Variants in IGFN1 observed in about 807,000 individuals in gnomAD.
IGFN1 encodes immunoglobulin-like and fibronectin type III domain-containing protein 1.
A neutral mutation model predicts 289.5 loss-of-function variants in IGFN1; 253 were observed. The ratio of observed to expected loss-of-function variants is 0.87; its 90% confidence interval spans 0.79 to 0.97. The LOEUF (loss-of-function observed/expected upper bound fraction) is 0.97, where lower values mean the gene tolerates loss of function less well. Ranked by LOEUF, IGFN1 falls within the 50% of genes least tolerant of loss-of-function variation. IGFN1 has a pLI of 0.00. For missense variants in IGFN1, 4,470 were observed against 4,686.1 expected (o/e 0.95, Z 1.35); for synonymous variants, 1,706 against 1,788.5 (o/e 0.95, Z 1.16).
rs1296144080 is a variant in IGFN1, at chr1:201,205,266, G to C, written c.1101G>C (p.Leu367=). 9.0e-6 allele frequency: 14 copies of C among 1,550,886 alleles called. No homozygotes were observed. In the East Asian group the frequency reaches 2.0e-4, roughly 22 times the overall value. ...YVSPDGLTHR[L]VVRGARFSDM... The stretch of plus-strand genomic sequence containing the variant: ...CCCCTGACGGGCTGACCCACCGGCT[G>C]GTGGTGAGGGGGGCACGTTTCTCAG... Residue 367 remains leucine (L), a synonymous_variant, in exon 11 of 24, where the codon CTG becomes CTC. Coordinates refer to ENST00000335211, the MANE Select transcript of IGFN1 (RefSeq NM_001164586.2).
chr1:201,206,898 G>A lies in IGFN1; in HGVS notation c.2005G>A (p.Gly669Arg), dbSNP rs1178264442. The change falls in exon 12 of 24, where the codon GGG becomes AGG. Residue 669 changes from glycine (G) to arginine (R), a missense_variant. This residue lies in a region of IGFN1 where 2,011 missense variants were observed against 1,953.4 expected (regional missense o/e 1.03). Transcript: ENST00000335211. The stretch of plus-strand genomic sequence containing the variant: ...CCTGGGAGAAGCTGGAGACAGCAAT[G>A]GGGCAGGAGGTCCTGGCACCCTGGA... Reference protein sequence around the residue: ...TGLGEAGDSNGAGGPGTLELT... With the variant: ...TGLGEAGDSNRAGGPGTLELT... 5 of 1,536,162 alleles carry A rather than the reference G, an allele frequency of 3.3e-6. No homozygotes were observed. The highest frequency in any genetic ancestry group is 2.0e-5 in the Admixed American group (1 of 50,930).
At chr1:201,199,723 A>G in intron 7 of IGFN1, 69 bp downstream of exon 7, 2 of 1,401,862 alleles carry the variant, frequency 1.4e-6, no homozygotes, top group South Asian at 1.3e-5. Flanking sequence ...TATTTCCATA[A>G]GTAAGCTGGG....
chr1:201,226,001 G>T lies in IGFN1; in HGVS notation c.10664G>T (p.Arg3555Leu), dbSNP rs755448825. The T allele has an allele frequency of 2.7e-5, 42 of 1,577,402 alleles. No homozygotes were observed. Among genetic ancestry groups the T allele is most frequent in the Non-Finnish European group, 3.5e-5 (40 of 1,158,876 alleles). Residue 3555 changes from arginine to leucine, a missense_variant, in exon 22 of 24, where the codon CGC becomes CTC. Physicochemically the swap from Arg to Leu is moderately radical, Grantham distance 102 (BLOSUM62 -2). Around this residue, in one of 8 missense-constraint regions of IGFN1, gnomAD observed 2,218 missense variants for 2,114.1 expected, o/e 1.05. Coordinates refer to ENST00000335211, the MANE Select transcript of IGFN1 (RefSeq NM_001164586.2). ...GCAGCCGACCGCATCCACACCAACC[G>T]CTTCACCCTCCTGGGCATCCTCCCC... The part of the protein sequence containing the change: ...HEAADRIHTN[R>L]FTLLGILPGH...
At chr1:201,215,218 A>G (rs1251220795) in intron 14 of IGFN1, 64 bp downstream of exon 14, 13 of 1,524,510 alleles carry the variant, frequency 8.5e-6, no homozygotes, top group African/African-American at 1.4e-5. Flanking sequence ...ACCAGGTGAT[A>G]TGCCTTGCTT....
intron 10 of IGFN1, 129 bp from the exon 11 acceptor site, chr1:201,204,953 C>T (rs1471659501): frequency 1.2e-5 from 11 of 905,358 alleles, no homozygotes; most frequent in East Asian, 2.7e-5. Context: ...GGTGACCTGT[C>T]CAAGGTAACA....
chr1:201,206,616 A>T lies in IGFN1; in HGVS notation c.1723A>T (p.Arg575Trp), dbSNP rs1400368862. Residue 575 changes from arginine (R) to tryptophan (W), a missense_variant, in exon 12 of 24, where the codon AGG (arginine) becomes TGG (tryptophan). Physicochemically the swap from Arg to Trp is moderately radical, Grantham distance 101. Transcript: ENST00000335211. ...RLQAGGLGSSREGKEHRGDSG... is the reference protein window; with the variant it reads ...RLQAGGLGSSWEGKEHRGDSG... ...TCAGGCTGGAGGACTGGGGAGCAGC[A>T]GGGAAGGAAAGGAGCACAGAGGGGA... The T allele has an allele frequency of 6.5e-7, 1 of 1,543,064 alleles. No individual in the cohort carries two copies. The highest frequency in any genetic ancestry group is 2.4e-5 in the East Asian group (1 of 40,916).
In IGFN1 at chr1:201,216,611, G is replaced by A. The variant is rs1485398843; in HGVS notation, c.9453G>A (p.Val3151=). 1.2e-6 allele frequency: 2 copies of A among 1,613,882 alleles called. No homozygotes were observed. The highest frequency in any genetic ancestry group is 3.3e-5 in the Admixed American group (2 of 60,022). ...RQAGRSTWLK[V]GEAPADSTTF... ...CTGGCAGGAGCACTTGGCTGAAGGT[G>A]GGCGAGGCCCCCGCTGACAGCACCA... is the stretch of plus-strand genomic sequence containing the variant. Residue 3151 remains valine, a synonymous_variant, in exon 16 of 24, where the codon GTG becomes GTA. Transcript: ENST00000335211.
intron 20 of IGFN1, among the ~76,000 whole-genome samples, chr1:201,223,761 T>C (rs1653906408): frequency 6.6e-6 from 1 of 152,112 alleles, no homozygotes; most frequent in Non-Finnish European, 1.5e-5. Context: ...GGTCTGAGGG[T>C]TCAAGGAATT....
chr1:201,227,465 T>A (rs1654186262), intron 23 of IGFN1, among the ~76,000 whole-genome samples: 1 of 151,950 alleles, frequency 6.6e-6, no homozygotes, highest in Admixed American at 6.6e-5. Context: ...TTCGCTCTTG[T>A]TGCCCAGGTT....
Position 201,227,113 on chromosome 1 carries a change from TC to T in IGFN1, c.11022del (p.Ser3675AlafsTer30). 6.2e-7 allele frequency: 1 copy of T among 1,613,468 alleles called. No individual in the cohort carries two copies. Among genetic ancestry groups the T allele is most frequent in the South Asian group, 1.1e-5 (1 of 91,078 alleles). ...TDLLGVCSLTIPSVSPKDSGE... is the reference protein window; with the variant it reads ...TDLLGVCSLTXPSVSPKDSGE... ...CTGCTGGGCGTGTGCTCCCTCACCA[TC>T]CCCAGCGTATCCCCGAAGGACAGCG... On this transcript the variant is annotated frameshift_variant, in exon 23 of 24. Coordinates refer to ENST00000335211, the MANE Select transcript of IGFN1 (RefSeq NM_001164586.2). LOFTEE classifies it high-confidence loss of function.
chr1:201,225,595 AAAAC>A (rs750491773), intron 21 of IGFN1, among the ~76,000 whole-genome samples: 34 of 152,338 alleles, frequency 2.2e-4, no homozygotes, highest in Middle Eastern at 3.4e-3. Flanking sequence ...TCCGTCTCAA[AAAAC>A]AAACAAACAA....
At chr1:201,198,281 G>A (rs927349613) in intron 5 of IGFN1, among the ~76,000 whole-genome samples, 10 of 151,956 alleles carry the variant, frequency 6.6e-5, no homozygotes, top group African/African-American at 1.7e-4. Flanking sequence ...GATTACACGC[G>A]TTTACCACCA....
In IGFN1 at chr1:201,208,867, G is replaced by C; in HGVS notation, c.3974G>C (p.Arg1325Thr). The C allele has an allele frequency of 6.5e-7, 1 of 1,536,740 alleles. No individual in the cohort carries two copies. Among genetic ancestry groups the C allele is most frequent in the East Asian group, 2.4e-5 (1 of 40,904 alleles). The stretch of plus-strand genomic sequence containing the variant: ...GGGTCAATGGATGAAGCAGGTTATA[G>C]GAAAGATTTAGGGGCTCCTGAGGGA... ...AMGSMDEAGYRKDLGAPEGIS... is the reference protein window; with the variant it reads ...AMGSMDEAGYTKDLGAPEGIS... The change falls in exon 12 of 24, where the codon AGG (arginine) becomes ACG (threonine). Residue 1325 changes from arginine to threonine, a missense_variant. Arg to Thr is a moderately conservative substitution (Grantham distance 71, BLOSUM62 -1). Coordinates refer to ENST00000335211, the MANE Select transcript of IGFN1 (RefSeq NM_001164586.2).
In IGFN1 at chr1:201,211,656, G is replaced by A. The variant is rs1162422952; in HGVS notation, c.6763G>A (p.Gly2255Arg). The change falls in exon 12 of 24, where the codon GGA becomes AGA. Residue 2255 changes from glycine (G) to arginine (R), a missense_variant. Gly to Arg is a moderately radical substitution (Grantham distance 125, BLOSUM62 -2). This residue lies in a region of IGFN1 where 2,218 missense variants were observed against 2,114.1 expected (regional missense o/e 1.05). Coordinates refer to ENST00000335211, the MANE Select transcript of IGFN1 (RefSeq NM_001164586.2). ...MDEADYRKDL[G>R]APEEMGSGSY... ...TGAGGCAGATTATAGGAAGGATTTG[G>A]GAGCTCCTGAGGAAATGGGTTCAGG... is the stretch of plus-strand genomic sequence containing the variant. 6.5e-7 allele frequency: 1 copy of A among 1,536,910 alleles called. No individual in the cohort carries two copies. Among genetic ancestry groups the A allele is most frequent in the East Asian group, 2.4e-5 (1 of 40,930 alleles).
chr1:201,219,521 C>G (rs1571488489), intron 18 of IGFN1, among the ~76,000 whole-genome samples: 1 of 152,234 alleles, frequency 6.6e-6, no homozygotes, highest in Non-Finnish European at 1.5e-5. Context: ...TGATCCAAAT[C>G]TAGCTTTTTC....
At position 201,202,715 on chromosome 1, in the gene IGFN1, TCCTCCCTC is replaced by T. The variant is rs1215808267; in HGVS notation, c.747+915_747+922del. Among the ~76,000 whole-genome samples, 234 of 93,348 alleles carry T rather than the reference TCCTCCCTC, an allele frequency of 2.5e-3. 4 individuals carry two copies. Among genetic ancestry groups the T allele is most frequent in the African/African-American group, 6.4e-3 (139 of 21,662 alleles). 61.2% of individuals were successfully genotyped at this position (93,348 alleles called of 152,430 possible). On this transcript the variant is annotated intron_variant, in intron 9 of 23. Coordinates refer to ENST00000335211, the MANE Select transcript of IGFN1 (RefSeq NM_001164586.2). ...CCTTTCTTTCTTTTTCTTTCTTTCT[TCCTCCCTC>T]CCTCCCTCCCTCCCTCCCTCCCTCC...
intron 12 of IGFN1, 63 bp downstream of exon 12, chr1:201,213,684 C>T: frequency 7.2e-7 from 1 of 1,380,162 alleles, no homozygotes. Flanking sequence ...TCCCTGGCCA[C>T]TGGGATGCTT....
chr1:201,217,782 A>G (rs1351954658), intron 17 of IGFN1, among the ~76,000 whole-genome samples: 5 of 152,230 alleles, frequency 3.3e-5, no homozygotes, highest in African/African-American at 1.2e-4. Context: ...GCTGAGGTGA[A>G]GAAGCCCTGA....
At position 201,215,715 on chromosome 1, in the gene IGFN1, C is replaced by T; in HGVS notation, c.9172C>T (p.Leu3058=). 5.0e-6 allele frequency: 8 copies of T among 1,613,062 alleles called. No individual in the cohort carries two copies. Among genetic ancestry groups the T allele is most frequent in the Non-Finnish European group, 6.8e-6 (8 of 1,179,592 alleles). ...GSSDREAQVD[L]GDGYTRLCLP... ...CAGTGACAGGGAGGCCCAGGTGGACCTGGGGGATGGCTACACGCGGCTGTG... is the reference window on the plus strand; with the variant it reads ...CAGTGACAGGGAGGCCCAGGTGGACTTGGGGGATGGCTACACGCGGCTGTG... The change falls in exon 15 of 24, where the codon CTG becomes TTG. Residue 3058 remains leucine (L), a synonymous_variant. Transcript: ENST00000335211.
Sources: allele counts gnomAD v4.1 joint callset (sites outside exome capture counted in the v4.1 genomes callset), GRCh38; gene constraint gnomAD v4.1.1; regional missense constraint gnomAD v4.1.1; transcripts MANE v1.5; gene names NCBI Gene and HGNC (gene_info 2026-07-23, HGNC 2026-07-21).